Variants in DOCK2 observed in about 807,000 individuals in gnomAD.
The protein encoded by DOCK2 is dedicator of cytokinesis protein 2.
Under a neutral mutation model 248.9 loss-of-function variants are expected in DOCK2, and 87 were observed. The ratio of observed to expected loss-of-function variants is 0.35; its 90% CI spans 0.29 to 0.42. The LOEUF (loss-of-function observed/expected upper bound fraction) is 0.42, where lower values mean the gene tolerates loss of function less well. Ranked by LOEUF, DOCK2 falls within the 10% of genes least tolerant of loss-of-function variation. DOCK2 has a pLI of 1.00. For missense variants in DOCK2, 1,747 were observed against 2,300.2 expected, an observed-to-expected ratio of 0.76 and a Z score of 4.92; for synonymous variants, 805 against 821.6, an observed-to-expected ratio of 0.98 and a Z score of 0.35.
chr5:170,019,175 T>C (rs1302224245), intron 33 of DOCK2, 67 bp downstream of exon 33: 3 of 1,605,774 alleles, frequency 1.9e-6, no homozygotes, highest in East Asian at 2.2e-5. Context: ...CATAATGATA[T>C]CCTCATTCCA....
At chr5:169,868,998 T>C (rs1261578373) in intron 27 of DOCK2, among the ~76,000 whole-genome samples, 2 of 152,148 alleles carry the variant, frequency 1.3e-5, no homozygotes, top group Non-Finnish European at 2.9e-5. Context: ...TTCCCACGGC[T>C]CAGTTGAACT....
At chr5:169,662,766 TC>T (rs146223105) in intron 2 of DOCK2, among the ~76,000 whole-genome samples, 2,319 of 152,256 alleles carry the variant, frequency 0.015, 69 homozygotes, top group African/African-American at 0.052. Flanking sequence ...TCCAGTCACT[TC>T]CCACCAGGTC....
intron 38 of DOCK2, among the ~76,000 whole-genome samples, chr5:170,043,783 G>C (rs976673943): frequency 1.3e-5 from 2 of 152,216 alleles, no homozygotes; most frequent in Non-Finnish European, 2.9e-5. Flanking sequence ...TGCAGTGTGA[G>C]AGCCTAAAAG....
intron 47 of DOCK2, among the ~76,000 whole-genome samples, chr5:170,077,100 AG>A (rs1173182086): frequency 6.6e-6 from 1 of 152,246 alleles, no homozygotes; most frequent in Non-Finnish European, 1.5e-5. Flanking sequence ...AATCAAGACC[AG>A]CCAGGTAAAG....
intron 25 of DOCK2, among the ~76,000 whole-genome samples, chr5:169,802,677 A>G (rs1180599953): frequency 6.6e-6 from 1 of 152,222 alleles, no homozygotes; most frequent in Non-Finnish European, 1.5e-5. Context: ...ATACTGATAA[A>G]CACATAAGTA....
At position 170,037,537 on chromosome 5, in the gene DOCK2, A is replaced by G. The variant is rs1414948013; in HGVS notation, c.3665+982A>G. The stretch of plus-strand genomic sequence containing the variant: ...GTTTCGCTCTTGTTGCCCAGGCTGG[A>G]GTGCAGTGGTGCCTATTCAGCTCAC... On this transcript the variant is annotated intron_variant, in intron 36 of 51. Transcript: ENST00000520908. 2.8e-5 allele frequency among the ~76,000 whole-genome samples: 4 copies of G among 140,930 alleles called. No homozygotes were observed. In the Admixed American group the frequency reaches 3.1e-4, roughly 11 times the overall value. 92.5% of individuals were successfully genotyped at this position (140,930 alleles called of 152,430 possible).
intron 27 of DOCK2, among the ~76,000 whole-genome samples, chr5:169,967,513 G>T (rs1307201233): frequency 1.3e-5 from 2 of 152,160 alleles, no homozygotes; most frequent in African/African-American, 4.8e-5. Context: ...AGGAAGAGTG[G>T]AAGAAATAAG....
intron 10 of DOCK2, 90 bp downstream of exon 10, chr5:169,696,028 C>T (rs1760602861): frequency 1.2e-5 from 17 of 1,455,094 alleles, no homozygotes; most frequent in Non-Finnish European, 1.5e-5. Context: ...CCAACCGCCT[C>T]CTGCTGCCCC....
At chr5:169,741,116 C>T (rs191550342) in intron 22 of DOCK2, among the ~76,000 whole-genome samples, 42 of 152,312 alleles carry the variant, frequency 2.8e-4, no homozygotes, top group African/African-American at 9.6e-4. Context: ...TGAGCCACTG[C>T]ACCCAGCCAT....
intron 27 of DOCK2, among the ~76,000 whole-genome samples, chr5:169,968,000 T>G (rs1310537324): frequency 1.3e-5 from 2 of 152,142 alleles, no homozygotes; most frequent in Non-Finnish European, 2.9e-5. Context: ...AGGATCATGT[T>G]GACATGTTAA....
chr5:169,692,647 C>A (rs1007994389), intron 9 of DOCK2, among the ~76,000 whole-genome samples: 4 of 152,090 alleles, frequency 2.6e-5, no homozygotes, highest in African/African-American at 9.7e-5. Context: ...TGGGAATCTT[C>A]TAGGTTTATG....
In DOCK2 at chr5:170,076,040, A is replaced by T. The variant is rs1757826290; in HGVS notation, c.4822A>T (p.Asn1608Tyr). ...TGACCGGATGGAGGAATGTTTCAAG[A>T]ACCTGAAAATGAAGGTGGAGAAGGA... ...FHDRMEECFKNLKMKVEKEYG... is the reference protein window; with the variant it reads ...FHDRMEECFKYLKMKVEKEYG... Residue 1608 changes from asparagine to tyrosine, a missense_variant, in exon 47 of 52, where the codon AAC (asparagine) becomes TAC (tyrosine). Physicochemically the swap from Asn to Tyr is moderately radical, Grantham distance 143. Around this residue, in one of 4 missense-constraint regions of DOCK2, gnomAD observed 513 missense variants for 586.1 expected, o/e 0.88. Coordinates refer to ENST00000520908, the MANE Select transcript of DOCK2 (RefSeq NM_004946.3). 1.2e-6 allele frequency: 2 copies of T among 1,614,060 alleles called. No individual in the cohort carries two copies. The highest frequency in any genetic ancestry group is 1.7e-6 in the Non-Finnish European group (2 of 1,180,030).
At chr5:170,006,853 G>A (rs923466476) in intron 30 of DOCK2, among the ~76,000 whole-genome samples, 2 of 152,142 alleles carry the variant, frequency 1.3e-5, no homozygotes, top group East Asian at 3.9e-4. Context: ...AAAGAACCCC[G>A]AATGTCAATC....
chr5:169,675,896 GC>G (rs1686732346), intron 6 of DOCK2, among the ~76,000 whole-genome samples: 1 of 152,224 alleles, frequency 6.6e-6, no homozygotes, highest in South Asian at 2.1e-4. Context: ...CTCTGCTGAT[GC>G]CCCATTGGCA....
Position 169,984,888 on chromosome 5 carries a change from GTGGTTC to G in DOCK2, c.2899-935_2899-930del, listed in dbSNP as rs1248434768. On this transcript the variant is annotated intron_variant, in intron 28 of 51. Coordinates refer to ENST00000520908, the MANE Select transcript of DOCK2 (RefSeq NM_004946.3). ...CCAGCTCAAAAGGGTCTCAGTGCCAGTGGTTCTGGTCTTAGCTATCCAGATTTCTTT... is the reference window on the plus strand; with the variant it reads ...CCAGCTCAAAAGGGTCTCAGTGCCAGTGGTCTTAGCTATCCAGATTTCTTT... Among the ~76,000 whole-genome samples the G allele has an allele frequency of 3.9e-5, 6 of 152,276 alleles. No individual in the cohort carries two copies. The East Asian group carries it at 1.2e-3, about 29-fold the overall frequency.
intron 15 of DOCK2, 134 bp from the exon 16 acceptor site, chr5:169,711,801 T>A: frequency 2.4e-6 from 2 of 825,272 alleles, no homozygotes. Context: ...TTCATCAGCC[T>A]CAATGGATGG....
intron 2 of DOCK2, among the ~76,000 whole-genome samples, chr5:169,660,650 C>G (rs1345826864): frequency 1.3e-5 from 2 of 152,200 alleles, no homozygotes; most frequent in Non-Finnish European, 2.9e-5. Context: ...GCTAATAACT[C>G]CTTTGAGGGT....
chr5:169,656,175 GAAAAT>G, intron 2 of DOCK2, among the ~76,000 whole-genome samples: 1 of 152,258 alleles, frequency 6.6e-6, no homozygotes, highest in East Asian at 1.9e-4. Context: ...GGCAAAGAAT[GAAAAT>G]AAAAACAGCA....
chr5:169,800,038 C>T (rs189225431), intron 25 of DOCK2, among the ~76,000 whole-genome samples: 21 of 152,190 alleles, frequency 1.4e-4, no homozygotes, highest in Admixed American at 2.6e-4. Context: ...CTCCTGGGCT[C>T]AAGTTATCCT....
Sources: allele counts gnomAD v4.1 joint callset (sites outside exome capture counted in the v4.1 genomes callset), GRCh38; gene constraint gnomAD v4.1.1; regional missense constraint gnomAD v4.1.1; transcripts MANE v1.5; gene names NCBI Gene and HGNC (gene_info 2026-07-23, HGNC 2026-07-21).